The following FAM219A variants were observed in gnomAD, a reference collection of about 807,000 sequenced individuals.
The protein encoded by FAM219A is family with sequence similarity 219 member A.
FAM219A carries 7 observed loss-of-function variants against 23.4 expected under a neutral mutation model. That is an observed-to-expected ratio of 0.30 (90% CI 0.17 to 0.56). The LOEUF is 0.56. FAM219A is among the 20% of genes least tolerant of loss of function. The pLI, the probability that FAM219A is intolerant of heterozygous loss-of-function variation, is 0.92. For missense variants in FAM219A, 166 were observed against 246.9 expected (o/e 0.67, Z 2.20); for synonymous variants, 93 against 99.0 (o/e 0.94, Z 0.36).
At chr9:34,421,280 T>C in intron 1 of FAM219A, among the ~76,000 whole-genome samples, 1 of 151,970 alleles carries the variant, frequency 6.6e-6, no homozygotes, top group East Asian at 1.9e-4. Flanking sequence ...TATAGGGGTG[T>C]GTGTGTGCCA....
intron 5 of FAM219A, 55 bp downstream of exon 5, chr9:34,401,611 G>T: frequency 6.3e-7 from 1 of 1,574,944 alleles, no homozygotes; most frequent in South Asian, 1.2e-5. Context: ...CCCTCCCCCG[G>T]GATGGCAGTG....
At chr9:34,428,131 G>A (rs1475839703) in intron 1 of FAM219A, among the ~76,000 whole-genome samples, 3 of 152,200 alleles carry the variant, frequency 2.0e-5, no homozygotes, top group Admixed American at 1.3e-4. Flanking sequence ...AAACTCTTTG[G>A]AGGGAGATAG....
rs531962026 is a variant in FAM219A at position 34,458,503 on chromosome 9, C to G, written c.-240G>C. 2.7e-6 allele frequency: 1 copy of G among 375,606 alleles called. No homozygotes were observed. The highest frequency in any genetic ancestry group is 4.3e-5 in the South Asian group (1 of 23,104). 23.3% of individuals were successfully genotyped at this position (375,606 alleles called of 1,614,324 possible). A position where few individuals can be genotyped will look rare whatever the true frequency, so the allele number is the denominator to read the frequency against. On this transcript the variant is annotated 5_prime_UTR_variant, in exon 1 of 6. Coordinates refer to ENST00000651358, the MANE Select transcript of FAM219A (RefSeq NM_001184940.2). The surrounding 1 kb of genome is among the most constrained non-coding windows in gnomAD (Gnocchi z 6.6). ...TACCGCGGCTGTGGCCGGGCCGAGC[C>G]GCAGGTCTTGCCTCGCCTCCTACTC...
intron 1 of FAM219A, among the ~76,000 whole-genome samples, chr9:34,413,609 C>T (rs1402743739): frequency 1.3e-5 from 2 of 152,210 alleles, no homozygotes; most frequent in African/African-American, 4.8e-5. Flanking sequence ...GCAAAGCGCT[C>T]ATACCAATAC....
intron 1 of FAM219A, among the ~76,000 whole-genome samples, chr9:34,426,767 T>C (rs1183208276): frequency 1.3e-5 from 2 of 152,168 alleles, no homozygotes; most frequent in South Asian, 2.1e-4. Context: ...AGAGAGAGGA[T>C]TGCAGGGAAA....
At chr9:34,421,827 G>T (rs944749447) in intron 1 of FAM219A, among the ~76,000 whole-genome samples, 2 of 152,030 alleles carry the variant, frequency 1.3e-5, no homozygotes, top group Non-Finnish European at 2.9e-5. Context: ...AATGTGCATA[G>T]AAATCATCTG....
intron 1 of FAM219A, among the ~76,000 whole-genome samples, chr9:34,411,080 G>T: frequency 6.6e-6 from 1 of 152,248 alleles, no homozygotes; most frequent in Non-Finnish European, 1.5e-5. Context: ...CTGTAGCCCT[G>T]ACACCACATA....
chr9:34,406,122 T>A (rs568346080), intron 1 of FAM219A, among the ~76,000 whole-genome samples, 158 bp from the exon 2 acceptor site: 1 of 152,292 alleles, frequency 6.6e-6, no homozygotes, highest in South Asian at 2.1e-4. Flanking sequence ...GGCAGACCCA[T>A]CTACCGTGGG....
At chr9:34,438,002 CG>C (rs1564013301) in intron 1 of FAM219A, among the ~76,000 whole-genome samples, 1 of 152,218 alleles carries the variant, frequency 6.6e-6, no homozygotes. Context: ...GTGGGCTTGG[CG>C]GGCCCCGCAC....
At chr9:34,449,507 A>T (rs937690341) in intron 1 of FAM219A, among the ~76,000 whole-genome samples, 1 of 152,196 alleles carries the variant, frequency 6.6e-6, no homozygotes, top group African/African-American at 2.4e-5. Context: ...GCTTCCTACT[A>T]ATAGCAAGTT....
intron 1 of FAM219A, among the ~76,000 whole-genome samples, chr9:34,447,361 T>A (rs10972119): frequency 6.6e-5 from 10 of 152,052 alleles, no homozygotes; most frequent in African/African-American, 2.2e-4. Context: ...AAGTACAATA[T>A]CAATATTATG....
In FAM219A at chr9:34,421,007, T is replaced by TGAGAGA. The variant is rs761212084; in HGVS notation, c.61-15044_61-15043insTCTCTC. Among the ~76,000 whole-genome samples the TGAGAGA allele has an allele frequency of 6.6e-3, 508 of 76,650 alleles. 5 individuals are homozygous for TGAGAGA. Among genetic ancestry groups the TGAGAGA allele is most frequent in the East Asian group, 0.028 (80 of 2,884 alleles). The allele number at this position is 76,650 out of a possible 152,430, so 50.3% of individuals were successfully genotyped here. The stretch of plus-strand genomic sequence containing the variant: ...GTGTGTGTGTATGTGTGTGTGTGTG[T>TGAGAGA]GTGAGAGAGAGAGAGAGAGAGAGAG... On this transcript the variant is annotated intron_variant, in intron 1 of 5. Transcript: ENST00000651358.
At chr9:34,440,719 G>A (rs968611177) in intron 1 of FAM219A, among the ~76,000 whole-genome samples, 2 of 151,844 alleles carry the variant, frequency 1.3e-5, no homozygotes, top group Admixed American at 6.6e-5. Context: ...GCATGGTGGC[G>A]GGCGCCTGTA....
At chr9:34,447,432 G>A (rs1823411824) in intron 1 of FAM219A, among the ~76,000 whole-genome samples, 2 of 152,226 alleles carry the variant, frequency 1.3e-5, no homozygotes, top group African/African-American at 4.8e-5. Flanking sequence ...TCTGTGTTCA[G>A]TTTCAGGGGT....
intron 1 of FAM219A, among the ~76,000 whole-genome samples, chr9:34,412,222 A>G (rs959315763): frequency 6.6e-6 from 1 of 152,172 alleles, no homozygotes; most frequent in African/African-American, 2.4e-5. Flanking sequence ...CCAGCAAGAG[A>G]TAATAGGGGC....
chr9:34,418,200 TAA>T (rs536041489), intron 1 of FAM219A, among the ~76,000 whole-genome samples: 50 of 126,836 alleles, frequency 3.9e-4, no homozygotes, highest in Non-Finnish European at 3.4e-4. Context: ...AGTGAGATGG[TAA>T]AAAAAAAAAA....
At chr9:34,416,808 AT>A (rs781741211) in intron 1 of FAM219A, among the ~76,000 whole-genome samples, 4,130 of 113,490 alleles carry the variant, frequency 0.036, 108 homozygotes, top group South Asian at 0.068. Context: ...TCAGCTCTCC[AT>A]TTTTTTTTTT....
At chr9:34,411,905 A>G (rs1821838525) in intron 1 of FAM219A, among the ~76,000 whole-genome samples, 1 of 152,192 alleles carries the variant, frequency 6.6e-6, no homozygotes, top group African/African-American at 2.4e-5. Context: ...AAGTCTCAGA[A>G]GCATAAAACT....
chr9:34,429,877 T>C (rs1183733400), intron 1 of FAM219A, among the ~76,000 whole-genome samples: 2 of 152,306 alleles, frequency 1.3e-5, no homozygotes, highest in East Asian at 3.9e-4. Flanking sequence ...CCCTCCTTCA[T>C]GCTCCCTTCG....
Sources: gnomAD v4.1 joint callset for allele counts (sites outside exome capture counted in the v4.1 genomes callset) on GRCh38, gnomAD v4.1.1 for gene constraint, Gnocchi (gnomAD v3.1) non-coding constraint, MANE v1.5 for transcripts, NCBI Gene and HGNC (gene_info 2026-07-23, HGNC 2026-07-21) for gene names.